The following KIAA1328 variants were observed in gnomAD, a reference collection of about 807,000 sequenced individuals.
The protein encoded by KIAA1328 is protein hinderin.
A neutral mutation model predicts 68.1 loss-of-function variants in KIAA1328; 52 were observed. The ratio of observed to expected loss-of-function variants is 0.76; its 90% confidence interval spans 0.61 to 0.96. The LOEUF is 0.96. KIAA1328 is among the 40% of genes least tolerant of loss of function. The pLI is 0.00. For missense variants in KIAA1328, 641 were observed against 677.6 expected, an observed-to-expected ratio of 0.95 and a Z score of 0.60; for synonymous variants, 232 against 239.4, an observed-to-expected ratio of 0.97 and a Z score of 0.28.
chr18:36,834,482 A>T, intron 2 of KIAA1328, 127 bp downstream of exon 2: 1 of 770,666 alleles, frequency 1.3e-6, no homozygotes, highest in East Asian at 3.3e-5. Flanking sequence ...CAAAACCTAA[A>T]ATTTGTTTTT....
At chr18:37,106,372 A>G (rs1373683586) in intron 7 of KIAA1328, among the ~76,000 whole-genome samples, 2 of 152,016 alleles carry the variant, frequency 1.3e-5, no homozygotes. Context: ...TTTTAGGGGC[A>G]TTAGAAATTA....
At chr18:37,105,916 CAAAAAAAAAAAAAAAAAAAAAAAAA>C (rs58940699) in intron 7 of KIAA1328, among the ~76,000 whole-genome samples, 1 of 19,502 alleles carries the variant, frequency 5.1e-5, no homozygotes, top group African/African-American at 1.2e-4. Flanking sequence ...GACTCTGTGT[CAAAAAAAAAAAAAAAAAAAAAAAAA>C]AAAAGAATTA....
At chr18:36,951,558 C>A (rs1481333685) in intron 5 of KIAA1328, among the ~76,000 whole-genome samples, 1 of 152,142 alleles carries the variant, frequency 6.6e-6, no homozygotes. Context: ...GTGATTAACT[C>A]CCAAATGTCT....
intron 6 of KIAA1328, among the ~76,000 whole-genome samples, chr18:37,016,422 G>A (rs1011601381): frequency 2.0e-5 from 3 of 151,970 alleles, no homozygotes; most frequent in African/African-American, 7.2e-5. Flanking sequence ...AGAGACATTG[G>A]CCCGTAGTTT....
At chr18:36,910,976 A>G (rs2049422881) in intron 5 of KIAA1328, among the ~76,000 whole-genome samples, 1 of 152,030 alleles carries the variant, frequency 6.6e-6, no homozygotes. Context: ...GCTATATATT[A>G]TCAGTACCCC....
At chr18:37,156,554 A>G (rs2059157607) in intron 7 of KIAA1328, among the ~76,000 whole-genome samples, 3 of 152,098 alleles carry the variant, frequency 2.0e-5, no homozygotes, top group Non-Finnish European at 4.4e-5. Flanking sequence ...CCAGTCTCAC[A>G]GTACATATCA....
At chr18:36,889,820 C>G (rs532421834) in intron 5 of KIAA1328, among the ~76,000 whole-genome samples, 1 of 152,148 alleles carries the variant, frequency 6.6e-6, no homozygotes, top group Non-Finnish European at 1.5e-5. Flanking sequence ...CCTTTCTTCA[C>G]TGGGATTTTG....
At chr18:37,024,239 A>T (rs1308244524) in intron 6 of KIAA1328, among the ~76,000 whole-genome samples, 1 of 151,920 alleles carries the variant, frequency 6.6e-6, no homozygotes, top group African/African-American at 2.4e-5. Context: ...TGGGTCAGGC[A>T]GTCTTCCTAC....
intron 6 of KIAA1328, among the ~76,000 whole-genome samples, chr18:37,020,775 A>C (rs1174668392): frequency 6.6e-6 from 1 of 152,192 alleles, no homozygotes; most frequent in Non-Finnish European, 1.5e-5. Context: ...ATCTGCTCGA[A>C]ATAGTTTGTG....
chr18:37,119,374 A>G (rs1599340645), intron 7 of KIAA1328, among the ~76,000 whole-genome samples: 1 of 152,138 alleles, frequency 6.6e-6, no homozygotes, highest in African/African-American at 2.4e-5. Flanking sequence ...CAAAAATGCC[A>G]TATATTGGGT....
At chr18:37,039,820 G>A (rs2055175504) in intron 6 of KIAA1328, among the ~76,000 whole-genome samples, 1 of 152,124 alleles carries the variant, frequency 6.6e-6, no homozygotes, top group Admixed American at 6.5e-5. Context: ...ACTTCACTGG[G>A]TTCTCCACTG....
intron 7 of KIAA1328, among the ~76,000 whole-genome samples, chr18:37,098,954 T>C (rs948845300): frequency 6.6e-6 from 1 of 152,190 alleles, no homozygotes; most frequent in African/African-American, 2.4e-5. Flanking sequence ...ATCTATTTGA[T>C]TCTTCTCTCT....
chr18:36,829,717 G>C (rs569975460), intron 1 of KIAA1328, among the ~76,000 whole-genome samples: 97 of 152,298 alleles, frequency 6.4e-4, no homozygotes, highest in African/African-American at 2.3e-3. Context: ...TTTTAGGAGA[G>C]GTGTGGAGCT....
At chr18:36,993,968 TAAA>T (rs74685501) in intron 6 of KIAA1328, among the ~76,000 whole-genome samples, 9 of 122,946 alleles carry the variant, frequency 7.3e-5, no homozygotes, top group South Asian at 2.5e-4. Context: ...AATAGAAGAG[TAAA>T]AAAAAAAAAA....
intron 7 of KIAA1328, among the ~76,000 whole-genome samples, chr18:37,141,104 A>G (rs1052647331): frequency 6.6e-6 from 1 of 152,192 alleles, no homozygotes; most frequent in Admixed American, 6.5e-5. Context: ...CTTTACTTAA[A>G]TATAACTTGC....
chr18:37,111,174 C>T (rs2057919452), intron 7 of KIAA1328, among the ~76,000 whole-genome samples: 1 of 152,128 alleles, frequency 6.6e-6, no homozygotes, highest in East Asian at 1.9e-4. Context: ...ACACAGCTGT[C>T]CATGCTGGCT....
At position 37,009,795 on chromosome 18, in the gene KIAA1328, A is replaced by T. The variant is rs2053910134; in HGVS notation, c.576+50360A>T. ...AAAAGAAACTGAAGTCCCTGATGGC[A>T]TTGTAAGGCTGCTGAAATAGCCCCA... On this transcript the variant is annotated intron_variant, in intron 6 of 9. Coordinates refer to ENST00000280020, the MANE Select transcript of KIAA1328 (RefSeq NM_020776.3). 3.3e-5 allele frequency among the ~76,000 whole-genome samples: 5 copies of T among 152,214 alleles called. No individual in the cohort carries two copies. In the South Asian group the frequency reaches 1.0e-3, roughly 32 times the overall value.
intron 5 of KIAA1328, among the ~76,000 whole-genome samples, chr18:36,958,402 C>G (rs1418170821): frequency 6.6e-6 from 1 of 152,110 alleles, no homozygotes; most frequent in African/African-American, 2.4e-5. Flanking sequence ...AAATAATTCT[C>G]TAACATTGTG....
At chr18:37,135,021 G>A (rs1404615201) in intron 7 of KIAA1328, among the ~76,000 whole-genome samples, 1 of 152,160 alleles carries the variant, frequency 6.6e-6, no homozygotes, top group Non-Finnish European at 1.5e-5. Flanking sequence ...TTGCTAAAAA[G>A]GACATCATTC....
Sources: allele counts gnomAD v4.1 joint callset (sites outside exome capture counted in the v4.1 genomes callset), GRCh38; gene constraint gnomAD v4.1.1; transcripts MANE v1.5; gene names NCBI Gene and HGNC (gene_info 2026-07-23, HGNC 2026-07-21).